The following NBEA variants were observed in gnomAD, a reference collection of about 807,000 sequenced individuals.
The protein encoded by NBEA is lysosomal-trafficking regulator 2.
In NBEA, 44 loss-of-function variants were observed where a neutral mutation model predicts 343.4. That is an observed-to-expected ratio of 0.13 (90% CI 0.10 to 0.16). The LOEUF is 0.16. Among genes scored for constraint, NBEA ranks in the 10% least tolerant of loss-of-function variants. NBEA has a pLI of 1.00. For missense variants in NBEA, 2,555 were observed against 3,631.3 expected (o/e 0.70, Z 7.62); for synonymous variants, 1,175 against 1,238.7 (o/e 0.95, Z 1.08).
At chr13:35,518,117 G>A (rs183156394) in intron 41 of NBEA, among the ~76,000 whole-genome samples, 8 of 152,062 alleles carry the variant, frequency 5.3e-5, no homozygotes, top group East Asian at 1.9e-4. Context: ...TGTTAATTCC[G>A]GATATATGGA....
chr13:35,215,276 G>C (rs1299169333), intron 33 of NBEA, among the ~76,000 whole-genome samples: 1 of 151,522 alleles, frequency 6.6e-6, no homozygotes, highest in Non-Finnish European at 1.5e-5. Context: ...TTTTGAAATT[G>C]TCATTCATTG....
chr13:35,270,416 CAGA>C (rs1179001863), intron 34 of NBEA, among the ~76,000 whole-genome samples: 11 of 152,196 alleles, frequency 7.2e-5, no homozygotes, highest in African/African-American at 2.4e-4. Flanking sequence ...AAGATTTACG[CAGA>C]AGATGGTGAT....
In NBEA at chr13:35,202,578, C is replaced by G. The variant is rs187634481; in HGVS notation, c.5367-6122C>G. On this transcript the variant is annotated intron_variant, in intron 31 of 58. Transcript: ENST00000379939. Reference sequence around the variant, plus strand: ...GTATCCCTGTTTTTACAAAATTTACCGAACTGTTTAATGGAGACTGCCAAT... The same window carrying G: ...GTATCCCTGTTTTTACAAAATTTACGGAACTGTTTAATGGAGACTGCCAAT... Among the ~76,000 whole-genome samples the G allele has an allele frequency of 2.0e-5, 3 of 152,156 alleles. No individual in the cohort carries two copies. In the East Asian group the frequency reaches 5.8e-4, roughly 29 times the overall value.
intron 22 of NBEA, among the ~76,000 whole-genome samples, chr13:35,161,062 C>T (rs373960663): frequency 3.3e-5 from 5 of 152,004 alleles, no homozygotes; most frequent in African/African-American, 9.7e-5. Flanking sequence ...TATTTTTTCT[C>T]TAACTGCCAA....
chr13:35,333,076 CTTCTTG>C (rs1214392971), intron 36 of NBEA, among the ~76,000 whole-genome samples: 5 of 152,104 alleles, frequency 3.3e-5, no homozygotes, highest in African/African-American at 1.2e-4. Context: ...CTAGTGGACT[CTTCTTG>C]TTATCACCAG....
intron 34 of NBEA, among the ~76,000 whole-genome samples, chr13:35,282,908 A>C (rs1467737447): frequency 2.0e-5 from 3 of 152,148 alleles, no homozygotes; most frequent in African/African-American, 7.2e-5. Flanking sequence ...CCTTATAGAT[A>C]GTGCAAGGCC....
At chr13:35,401,601 T>C (rs1277681721) in intron 38 of NBEA, among the ~76,000 whole-genome samples, 1 of 152,072 alleles carries the variant, frequency 6.6e-6, no homozygotes, top group African/African-American at 2.4e-5. Context: ...TGCTCTATCT[T>C]AAGACATCTG....
At chr13:35,406,520 G>A (rs186391683) in intron 38 of NBEA, among the ~76,000 whole-genome samples, 1 of 152,042 alleles carries the variant, frequency 6.6e-6, no homozygotes, top group East Asian at 1.9e-4. Flanking sequence ...CATCCTCATA[G>A]CTCGTCTCCC....
At chr13:35,212,172 G>A (rs1036163296) in intron 33 of NBEA, among the ~76,000 whole-genome samples, 2 of 152,154 alleles carry the variant, frequency 1.3e-5, no homozygotes, top group African/African-American at 4.8e-5. Context: ...CCCAGTCACT[G>A]TTCTTGCTTT....
At chr13:35,521,931 G>A (rs373691301) in intron 41 of NBEA, among the ~76,000 whole-genome samples, 10 of 152,222 alleles carry the variant, frequency 6.6e-5, no homozygotes, top group East Asian at 1.9e-4. Flanking sequence ...AGAAGAATGC[G>A]CAACCCAGTT....
rs1477837658 is a variant in NBEA at position 35,211,107 on chromosome 13, G to A, written c.5576G>A (p.Gly1859Asp). ...SSSSSSSFVN[G>D]ATSKNLPAVQ... The stretch of plus-strand genomic sequence containing the variant: ...TCCTCCTCTTCTAGTTTTGTGAATG[G>A]TGCTACTAGCAAAAACCTTCCAGCT... The change falls in exon 33 of 59, where the codon GGT (glycine) becomes GAT (aspartate). Residue 1859 changes from glycine (G) to aspartate (D), a missense_variant. Gly to Asp is a moderately conservative substitution (Grantham distance 94, BLOSUM62 -1). This residue lies in a region of NBEA where 84 missense variants were observed against 196.4 expected (regional missense o/e 0.43). Transcript: ENST00000379939. 1 of 1,551,700 alleles carries A rather than the reference G, an allele frequency of 6.4e-7. No individual in the cohort carries two copies. The highest frequency in any genetic ancestry group is 8.7e-7 in the Non-Finnish European group (1 of 1,146,892).
intron 55 of NBEA, among the ~76,000 whole-genome samples, chr13:35,658,838 T>C (rs947135536): frequency 1.3e-5 from 2 of 152,200 alleles, no homozygotes; most frequent in Non-Finnish European, 2.9e-5. Flanking sequence ...GCTAACCTAG[T>C]AGCATATATA....
intron 36 of NBEA, among the ~76,000 whole-genome samples, chr13:35,333,402 T>A (rs2039050098): frequency 6.6e-6 from 1 of 152,080 alleles, no homozygotes; most frequent in Non-Finnish European, 1.5e-5. Flanking sequence ...TTTTAAAATT[T>A]TTTATTTTTG....
chr13:35,264,206 T>C (rs1178461501), intron 34 of NBEA, among the ~76,000 whole-genome samples: 2 of 151,420 alleles, frequency 1.3e-5, no homozygotes, highest in African/African-American at 4.8e-5. Flanking sequence ...CAAGATTGAA[T>C]CATGAAGAAA....
intron 11 of NBEA, among the ~76,000 whole-genome samples, chr13:35,108,799 T>C (rs1236318794): frequency 6.6e-6 from 1 of 152,098 alleles, no homozygotes; most frequent in Non-Finnish European, 1.5e-5. Flanking sequence ...ATAGACATAG[T>C]GTTATATGAA....
chr13:35,544,425 CT>C, intron 41 of NBEA, among the ~76,000 whole-genome samples: 1 of 151,888 alleles, frequency 6.6e-6, no homozygotes, highest in Non-Finnish European at 1.5e-5. Flanking sequence ...AAAGGTGAAA[CT>C]TTTTTCATCT....
chr13:35,076,774 G>A (rs975577058), intron 10 of NBEA, among the ~76,000 whole-genome samples: 3 of 151,996 alleles, frequency 2.0e-5, no homozygotes, highest in African/African-American at 7.2e-5. Flanking sequence ...TCCACATTCT[G>A]TTGTCTTTAA....
At chr13:35,193,785 TTAATC>T (rs753887549) in intron 30 of NBEA, among the ~76,000 whole-genome samples, 24 of 151,934 alleles carry the variant, frequency 1.6e-4, no homozygotes, top group Non-Finnish European at 2.7e-4. Context: ...ATTCCACAGA[TTAATC>T]TATTCTTTCA....
At chr13:35,361,619 A>G (rs1594351753) in intron 38 of NBEA, among the ~76,000 whole-genome samples, 1 of 152,036 alleles carries the variant, frequency 6.6e-6, no homozygotes, top group South Asian at 2.1e-4. Context: ...AATCTTGGTG[A>G]CCTTGCTTGT....
Sources: gnomAD v4.1 joint callset for allele counts (sites outside exome capture counted in the v4.1 genomes callset) on GRCh38, gnomAD v4.1.1 for gene constraint, gnomAD v4.1.1 regional missense constraint, MANE v1.5 for transcripts, NCBI Gene and HGNC (gene_info 2026-07-23, HGNC 2026-07-21) for gene names.